Variants in SAP30BP observed in about 807,000 individuals in gnomAD.
SAP30BP encodes the protein SAP30 binding protein.
SAP30BP carries 31 observed loss-of-function variants against 46.3 expected under a neutral mutation model. The ratio of observed to expected loss-of-function variants is 0.67; its 90% CI spans 0.50 to 0.90. SAP30BP has a LOEUF of 0.90. Among genes scored for constraint, SAP30BP ranks in the 40% least tolerant of loss-of-function variants. The pLI is 0.00. For missense variants in SAP30BP, 312 were observed against 391.0 expected (o/e 0.80, Z 1.70); for synonymous variants, 169 against 144.2 (o/e 1.17, Z -1.23).
chr17:75,706,379 C>T lies in SAP30BP; in HGVS notation c.785C>T (p.Pro262Leu). 1.2e-6 allele frequency: 2 copies of T among 1,614,002 alleles called. No homozygotes were observed. Among genetic ancestry groups the T allele is most frequent in the Non-Finnish European group, 1.7e-6 (2 of 1,180,014 alleles). ...KRKSKWDSAIPVTTIAQPTIL... is the reference protein window; with the variant it reads ...KRKSKWDSAILVTTIAQPTIL... ...AAGAGCAAGTGGGATTCGGCTATCC[C>T]AGTGACAACGATAGCCCAGCCCACC... is the stretch of plus-strand genomic sequence containing the variant. Residue 262 changes from proline (P) to leucine (L), a missense_variant, in exon 11 of 11, where the codon CCA (proline) becomes CTA (leucine). Around this residue, in one of 2 missense-constraint regions of SAP30BP, gnomAD observed 296 missense variants for 346.6 expected, o/e 0.85. Coordinates refer to ENST00000584667, the MANE Select transcript of SAP30BP (RefSeq NM_013260.8). The surrounding 1 kb of genome is among the most constrained non-coding windows in gnomAD (Gnocchi z 4.6).
chr17:75,705,100 G>A, intron 9 of SAP30BP: 1 of 416,980 alleles, frequency 2.4e-6, no homozygotes, highest in South Asian at 2.3e-5. Flanking sequence ...GGTCATGGGG[G>A]CCCTTTGTAG....
At chr17:75,687,964 CAGAG>C (rs1016011276) in intron 3 of SAP30BP, among the ~76,000 whole-genome samples, 28 of 72,306 alleles carry the variant, frequency 3.9e-4, no homozygotes, top group African/African-American at 5.5e-4. Flanking sequence ...GTGAGAGAGA[CAGAG>C]AGAGGTCAGT....
At chr17:75,699,921 T>C (rs752814006) in intron 5 of SAP30BP, 50 bp downstream of exon 5, 15 of 1,363,790 alleles carry the variant, frequency 1.1e-5, no homozygotes, top group African/African-American at 8.6e-5. Flanking sequence ...ATAGCCTGGG[T>C]TACGTGTTTG....
At chr17:75,672,348 G>T (rs2148370134) in intron 3 of SAP30BP, among the ~76,000 whole-genome samples, 1 of 152,288 alleles carries the variant, frequency 6.6e-6, no homozygotes, top group East Asian at 1.9e-4. Flanking sequence ...TTTTCCTGGG[G>T]GTGTGTCCAT....
At chr17:75,702,420 G>T (rs780700625) in intron 5 of SAP30BP, 60 bp from the exon 6 acceptor site, 2 of 696,438 alleles carry the variant, frequency 2.9e-6, no homozygotes, top group South Asian at 1.8e-5. Flanking sequence ...CAGGGGCTGG[G>T]ACGGTGGAGG....
chr17:75,691,561 G>A (rs1417055660), intron 3 of SAP30BP: 1 of 445,280 alleles, frequency 2.2e-6, no homozygotes, highest in African/African-American at 2.0e-5. Context: ...AAGAGCCATT[G>A]CATGTTTGGT....
chr17:75,706,386 A>G lies in SAP30BP; in HGVS notation c.792A>G (p.Thr264=). 3 of 1,614,026 alleles carry G rather than the reference A, an allele frequency of 1.9e-6. No individual in the cohort carries two copies. Among genetic ancestry groups the G allele is most frequent in the Non-Finnish European group, 2.5e-6 (3 of 1,179,986 alleles). ...AGTGGGATTCGGCTATCCCAGTGAC[A>G]ACGATAGCCCAGCCCACCATCCTCA... ...KSKWDSAIPV[T]TIAQPTILTT... is the part of the protein sequence containing the mutation. The change falls in exon 11 of 11, where the codon ACA becomes ACG. Residue 264 remains threonine, a synonymous_variant. Transcript: ENST00000584667. The surrounding 1 kb of genome is among the most constrained non-coding windows in gnomAD (Gnocchi z 4.6).
intron 4 of SAP30BP, among the ~76,000 whole-genome samples, chr17:75,694,077 G>T (rs1315070461): frequency 7.9e-5 from 12 of 152,046 alleles, no homozygotes; most frequent in Admixed American, 3.3e-4. Flanking sequence ...CGACCGGGGG[G>T]CAGTTCCCGG....
chr17:75,688,823 T>C (rs2060200055), intron 3 of SAP30BP, among the ~76,000 whole-genome samples: 1 of 152,332 alleles, frequency 6.6e-6, no homozygotes, highest in Admixed American at 6.5e-5. Flanking sequence ...ATATTCCAGG[T>C]TCTGTAATTC....
At chr17:75,672,606 A>G (rs1463714029) in intron 3 of SAP30BP, among the ~76,000 whole-genome samples, 1 of 152,190 alleles carries the variant, frequency 6.6e-6, no homozygotes, top group African/African-American at 2.4e-5. Flanking sequence ...CCCCCAAAGA[A>G]AAAGACTTAA....
At chr17:75,672,888 T>C (rs2059928001) in intron 3 of SAP30BP, among the ~76,000 whole-genome samples, 1 of 151,140 alleles carries the variant, frequency 6.6e-6, no homozygotes, top group Non-Finnish European at 1.5e-5. Context: ...TACTTGAACC[T>C]GGGAGGCAGA....
chr17:75,670,619 A>G (rs2059894612), intron 2 of SAP30BP, among the ~76,000 whole-genome samples: 1 of 152,232 alleles, frequency 6.6e-6, no homozygotes, highest in East Asian at 1.9e-4. Context: ...ATATTTTAGT[A>G]AAATCCTCTC....
chr17:75,696,558 A>G (rs1224261862), intron 4 of SAP30BP, among the ~76,000 whole-genome samples: 1 of 151,622 alleles, frequency 6.6e-6, no homozygotes, highest in Non-Finnish European at 1.5e-5. Flanking sequence ...AAAAAAAAAA[A>G]AAAGAAAAGA....
At chr17:75,677,696 T>A in intron 3 of SAP30BP, among the ~76,000 whole-genome samples, 1 of 141,840 alleles carries the variant, frequency 7.1e-6, no homozygotes, top group Non-Finnish European at 1.5e-5. Context: ...TCCACCCACC[T>A]CAGCCTTCCA....
intron 3 of SAP30BP, chr17:75,672,190 G>A (rs2059917150): frequency 1.8e-5 from 6 of 333,294 alleles, no homozygotes; most frequent in South Asian, 9.6e-5. Context: ...AGGTGGATTA[G>A]TCTGTTTCTA....
chr17:75,687,637 A>G (rs1031965749), intron 3 of SAP30BP, among the ~76,000 whole-genome samples: 29 of 150,514 alleles, frequency 1.9e-4, no homozygotes, highest in African/African-American at 6.3e-4. Flanking sequence ...AAAAAAAAAG[A>G]TGATGCAGAA....
intron 3 of SAP30BP, chr17:75,679,560 ACT>A (rs1448202795): frequency 5.9e-5 from 9 of 152,036 alleles, no homozygotes. Context: ...GTAAGAACTA[ACT>A]CTGGCCCACC....
intron 3 of SAP30BP, chr17:75,684,588 G>A (rs772258373): frequency 2.0e-5 from 3 of 152,112 alleles, no homozygotes; most frequent in Non-Finnish European, 2.9e-5. Flanking sequence ...CGTAGCATTC[G>A]GCACTTCCCT....
At chr17:75,696,378 C>CAA (rs57619442) in intron 4 of SAP30BP, among the ~76,000 whole-genome samples, 2,755 of 128,816 alleles carry the variant, frequency 0.021, 149 homozygotes, top group East Asian at 0.21. Flanking sequence ...ACTAAAAATC[C>CAA]AAAAAAAAAA....
Sources: gnomAD v4.1 joint callset for allele counts (sites outside exome capture counted in the v4.1 genomes callset) on GRCh38, gnomAD v4.1.1 for gene constraint, gnomAD v4.1.1 regional missense constraint, Gnocchi (gnomAD v3.1) non-coding constraint, MANE v1.5 for transcripts, NCBI Gene and HGNC (gene_info 2026-07-23, HGNC 2026-07-21) for gene names.